RECQL5: variants seen among roughly 807,000 people sequenced by gnomAD.
The protein encoded by RECQL5 is ATP-dependent DNA helicase Q5.
RECQL5 carries 88 observed loss-of-function variants against 103.4 expected under a neutral mutation model. The ratio of observed to expected loss-of-function variants is 0.85; its 90% CI spans 0.72 to 1.02. RECQL5 has a LOEUF of 1.02. Among genes scored for constraint, RECQL5 ranks in the 50% least tolerant of loss-of-function variants. RECQL5 has a pLI of 0.00. For synonymous variants in RECQL5, 552 were observed against 507.9 expected (o/e 1.09, Z -1.17); for missense variants, 1,232 against 1,284.3 (o/e 0.96, Z 0.62).
chr17:75,643,002 C>G (rs904654823), intron 8 of RECQL5, among the ~76,000 whole-genome samples: 8 of 152,230 alleles, frequency 5.3e-5, no homozygotes, highest in Admixed American at 3.3e-4. Context: ...CCCAAAACAC[C>G]CACACCCCAA....
intron 8 of RECQL5, among the ~76,000 whole-genome samples, chr17:75,647,076 T>C (rs1354722804): frequency 6.6e-6 from 1 of 152,200 alleles, no homozygotes; most frequent in African/African-American, 2.4e-5. Flanking sequence ...TTGCTCACAC[T>C]TGCTACTCAG....
Position 75,628,445 on chromosome 17 carries a change from G to A in RECQL5, c.2581-3C>T. ...TGAGGCTGGCTCTCTGGGTTCTCCT[G>A]AGAAGGGCCACAGCAGAGGGTCACT... On this transcript the variant is annotated splice_region_variant and splice_polypyrimidine_tract_variant and intron_variant, in intron 17 of 19. Coordinates refer to ENST00000317905, the MANE Select transcript of RECQL5 (RefSeq NM_004259.7). The A allele has an allele frequency of 2.5e-6, 4 of 1,612,992 alleles. No homozygotes were observed. Among genetic ancestry groups the A allele is most frequent in the Non-Finnish European group, 3.4e-6 (4 of 1,179,832 alleles).
chr17:75,649,829 CCTT>C, intron 8 of RECQL5: 1 of 985,484 alleles, frequency 1.0e-6, no homozygotes, highest in African/African-American at 1.7e-5. Flanking sequence ...CACCTGGACT[CCTT>C]GAGTCCACAG....
chr17:75,629,733 A>C lies in RECQL5; in HGVS notation c.1922T>G (p.Ile641Ser). 6.2e-7 allele frequency: 1 copy of C among 1,612,860 alleles called. No individual in the cohort carries two copies. Residue 641 changes from isoleucine (I) to serine (S), a missense_variant, in exon 15 of 20, where the codon ATT becomes AGT. Transcript: ENST00000317905. The stretch of plus-strand genomic sequence containing the variant: ...CGAGTACACATGGGAGGCTGGTGGA[A>C]TGTCATACTCATTGGGCTCCGGGGG... ...AEPPEPNEYD[I>S]PPASHVYSLK...
At chr17:75,657,747 T>TAAA (rs35049816) in intron 7 of RECQL5, among the ~76,000 whole-genome samples, 5 of 112,202 alleles carry the variant, frequency 4.5e-5, no homozygotes, top group Admixed American at 9.4e-5. Flanking sequence ...CCTTGTCTCT[T>TAAA]AAAAAAAAAA....
Position 75,647,267 on chromosome 17 carries a change from C to CACAGAGGCTGCT in RECQL5, c.1229+3907_1229+3918dup, listed in dbSNP as rs979866832. On this transcript the variant is annotated intron_variant, in intron 8 of 19. Coordinates refer to ENST00000317905, the MANE Select transcript of RECQL5 (RefSeq NM_004259.7). Reference sequence around the variant, plus strand: ...CTGGCTGCCAGGCGGGCCGGCTGCTCACAGAGGCTGCTACAGAGGCTGGAG... The same window carrying CACAGAGGCTGCT: ...CTGGCTGCCAGGCGGGCCGGCTGCTCACAGAGGCTGCTACAGAGGCTGCTACAGAGGCTGGAG... 7 of 1,001,914 alleles carry CACAGAGGCTGCT rather than the reference C, an allele frequency of 7.0e-6. 1 individual carries two copies. The South Asian group carries it at 8.5e-5, about 12-fold the overall frequency. 62.1% of individuals were successfully genotyped at this position (1,001,914 alleles called of 1,614,324 possible).
In RECQL5 at chr17:75,629,049, C is replaced by T; in HGVS notation, c.2374G>A (p.Glu792Lys). The T allele has an allele frequency of 6.2e-7, 1 of 1,601,990 alleles. No homozygotes were observed. Among genetic ancestry groups the T allele is most frequent in the Non-Finnish European group, 8.5e-7 (1 of 1,173,988 alleles). Residue 792 changes from glutamate (E) to lysine (K), a missense_variant, in exon 16 of 20, where the codon GAG becomes AAG. Coordinates refer to ENST00000317905, the MANE Select transcript of RECQL5 (RefSeq NM_004259.7). ...GCCATCGGGGGTCCCTGAACCCCCT[C>T]ACAGGAGGGGCAGGCACCTTCTGCC... ...PEAEGACPSC[E>K]GVQGPPMAPE...
intron 4 of RECQL5, 125 bp from the exon 5 acceptor site, chr17:75,661,833 G>A: frequency 1.5e-6 from 1 of 659,646 alleles, no homozygotes; most frequent in South Asian, 1.8e-5. Context: ...CTCTTCTGAG[G>A]CAGGACACCC....
At chr17:75,645,890 C>T (rs1480107257) in intron 8 of RECQL5, among the ~76,000 whole-genome samples, 3 of 152,198 alleles carry the variant, frequency 2.0e-5, no homozygotes, top group Non-Finnish European at 1.5e-5. Flanking sequence ...TAGATCTTTA[C>T]CAGCTGGGAT....
chr17:75,666,561 AG>A lies in RECQL5; in HGVS notation c.-5del. On this transcript the variant is annotated 5_prime_UTR_variant, in exon 2 of 20. Transcript: ENST00000317905. ...AGGTGGTATGGTGGCTGCTCATCTT[AG>A]CCAAGAACAGTGGCCAAAGGTTAAG... 6.2e-7 allele frequency: 1 copy of A among 1,613,932 alleles called. No individual in the cohort carries two copies. The highest frequency in any genetic ancestry group is 8.5e-7 in the Non-Finnish European group (1 of 1,179,978).
At position 75,627,011 on chromosome 17, in the gene RECQL5, G is replaced by A. The variant is rs553129384; in HGVS notation, c.*411C>T. 1.1e-3 allele frequency: 422 copies of A among 374,524 alleles called. 5 individuals are homozygous for A. The highest frequency in any genetic ancestry group is 8.5e-3 in the South Asian group (418 of 49,244). The allele number at this position is 374,524 out of a possible 1,614,324, so 23.2% of individuals were successfully genotyped here. On this transcript the variant is annotated 3_prime_UTR_variant, in exon 20 of 20. Transcript: ENST00000317905. ...CTGGGCAAGGCTGGAAGCTGGCATC[G>A]TAATGGATGGGGGAGTGGGTGGAGG... is the stretch of plus-strand genomic sequence containing the variant.
In RECQL5 at chr17:75,636,379, G is replaced by A. The variant is rs963254067; in HGVS notation, c.1230-4711C>T. ...TTGGGTGAACCTGAGATAGAAAGAC[G>A]GGAAAAATATGGGATCATCAGTAGC... On this transcript the variant is annotated intron_variant, in intron 8 of 19. Coordinates refer to ENST00000317905, the MANE Select transcript of RECQL5 (RefSeq NM_004259.7). This position sits in a 1 kb window ranked among gnomAD's most constrained non-coding sequence, Gnocchi z 5.4. 6.6e-5 allele frequency among the ~76,000 whole-genome samples: 10 copies of A among 152,162 alleles called. No homozygotes were observed. The highest frequency in any genetic ancestry group is 2.0e-4 in the Admixed American group (3 of 15,276).
At chr17:75,641,656 G>A (rs984675625) in intron 8 of RECQL5, among the ~76,000 whole-genome samples, 7 of 152,264 alleles carry the variant, frequency 4.6e-5, no homozygotes, top group African/African-American at 1.4e-4. Flanking sequence ...GGCAGAGACT[G>A]TGTTTGCCCA....
rs890586840 is a variant in RECQL5 at position 75,643,658 on chromosome 17, G to C, written c.1229+7528C>G. ...GGTGGCAGCAGTTGCCCCACTGTGG[G>C]AAAGAATAAACAGAAAGATGCTGCA... On this transcript the variant is annotated intron_variant, in intron 8 of 19. Transcript: ENST00000317905. Among the ~76,000 whole-genome samples the C allele has an allele frequency of 2.0e-5, 3 of 152,258 alleles. No homozygotes were observed. In the East Asian group the frequency reaches 5.8e-4, roughly 29 times the overall value.
chr17:75,628,021 A>G (rs575538338), intron 18 of RECQL5, among the ~76,000 whole-genome samples, 197 bp downstream of exon 18: 111 of 150,214 alleles, frequency 7.4e-4, no homozygotes, highest in East Asian at 1.8e-3. Flanking sequence ...AAAAAAAAAA[A>G]AGAGAGCAGG....
intron 8 of RECQL5, chr17:75,633,547 A>G: frequency 1.6e-6 from 2 of 1,282,782 alleles, no homozygotes; most frequent in Non-Finnish European, 1.0e-6. Flanking sequence ...ACGCCTTCAG[A>G]TGCTGAGCGG....
In RECQL5 at chr17:75,636,223, C is replaced by T. The variant is rs1046125971; in HGVS notation, c.1230-4555G>A. Among the ~76,000 whole-genome samples the T allele has an allele frequency of 6.6e-6, 1 of 152,184 alleles. No homozygotes were observed. Among genetic ancestry groups the T allele is most frequent in the African/African-American group, 2.4e-5 (1 of 41,448 alleles). ...CTGAGGACCCTGAGAAGCCTCCAAC[C>T]AAGGCACTACTGAGCGTGGGGTTGG... On this transcript the variant is annotated intron_variant, in intron 8 of 19. Coordinates refer to ENST00000317905, the MANE Select transcript of RECQL5 (RefSeq NM_004259.7). The surrounding 1 kb of genome is among the most constrained non-coding windows in gnomAD (Gnocchi z 5.4).
chr17:75,628,009 A>T (rs2059132280), intron 18 of RECQL5, among the ~76,000 whole-genome samples: 1 of 143,452 alleles, frequency 7.0e-6, no homozygotes, highest in African/African-American at 2.8e-5. Context: ...ACAGAGATAA[A>T]AAAAAAAAAA....
chr17:75,633,588 A>AGCCTCCTGCTCAGCTTGAGAGG (rs1411890878), intron 8 of RECQL5: 1 of 1,241,152 alleles, frequency 8.1e-7, no homozygotes, highest in East Asian at 5.8e-5. Context: ...CTGGTTGCAA[A>AGCCTCCTGCTCAGCTTGAGAGG]GCCTCCTGCT....
Sources: gnomAD v4.1 joint callset for allele counts (sites outside exome capture counted in the v4.1 genomes callset) on GRCh38, gnomAD v4.1.1 for gene constraint, Gnocchi (gnomAD v3.1) non-coding constraint, MANE v1.5 for transcripts, NCBI Gene and HGNC (gene_info 2026-07-23, HGNC 2026-07-21) for gene names.